BMPR1A: variants seen among roughly 807,000 people sequenced by gnomAD.
BMPR1A encodes bone morphogenetic protein receptor type-1A.
In BMPR1A, 7 loss-of-function variants were observed where a neutral mutation model predicts 66.0. The observed-to-expected ratio is 0.11, with a 90% CI of 0.06 to 0.20. The LOEUF is 0.20. Among genes scored for constraint, BMPR1A ranks in the 10% least tolerant of loss-of-function variants. The pLI is 1.00. For missense variants in BMPR1A, 408 were observed against 669.1 expected, an observed-to-expected ratio of 0.61 and a Z score of 4.31; for synonymous variants, 200 against 229.7, an observed-to-expected ratio of 0.87 and a Z score of 1.17.
intron 1 of BMPR1A, among the ~76,000 whole-genome samples, chr10:86,805,989 T>G (rs906511916): frequency 6.6e-6 from 1 of 151,832 alleles, no homozygotes; most frequent in Non-Finnish European, 1.5e-5. Flanking sequence ...CTCTTTAATC[T>G]CCTTCTCTCT....
chr10:86,902,410 A>T (rs1028493857), intron 7 of BMPR1A, among the ~76,000 whole-genome samples: 1 of 151,180 alleles, frequency 6.6e-6, no homozygotes, highest in African/African-American at 2.4e-5. Flanking sequence ...AGCTACCTAC[A>T]CTTTTCACTG....
intron 1 of BMPR1A, among the ~76,000 whole-genome samples, chr10:86,830,925 G>A (rs550332772): frequency 2.0e-5 from 3 of 151,864 alleles, no homozygotes; most frequent in Admixed American, 6.6e-5. Flanking sequence ...AGACGGCCAC[G>A]AATCTACTCT....
At chr10:86,820,128 C>T (rs1842099721) in intron 1 of BMPR1A, among the ~76,000 whole-genome samples, 1 of 152,116 alleles carries the variant, frequency 6.6e-6, no homozygotes, top group Non-Finnish European at 1.5e-5. Context: ...CTGCAGCCTC[C>T]ACCTCCCAGG....
At chr10:86,868,937 G>T (rs1226961343) in intron 2 of BMPR1A, among the ~76,000 whole-genome samples, 1 of 152,068 alleles carries the variant, frequency 6.6e-6, no homozygotes, top group African/African-American at 2.4e-5. Flanking sequence ...TGTGTATATA[G>T]CAAGGGGAAG....
intron 1 of BMPR1A, among the ~76,000 whole-genome samples, chr10:86,766,642 G>A (rs1385388512): frequency 8.4e-6 from 1 of 118,532 alleles, no homozygotes; most frequent in Non-Finnish European, 1.6e-5. Flanking sequence ...TTGAGACGGA[G>A]TCTCGCTCTT....
At chr10:86,912,143 C>A in intron 7 of BMPR1A, 97 bp from the exon 8 acceptor site, 2 of 1,328,738 alleles carry the variant, frequency 1.5e-6, no homozygotes, top group Non-Finnish European at 2.1e-6. Flanking sequence ...AGGATTCTTT[C>A]TGAGGGAAGG....
chr10:86,807,643 A>G (rs1841909064), intron 1 of BMPR1A, among the ~76,000 whole-genome samples: 1 of 152,146 alleles, frequency 6.6e-6, no homozygotes, highest in Non-Finnish European at 1.5e-5. Context: ...TCAGTCTCCC[A>G]AAGAGCTGGG....
At chr10:86,861,472 G>C (rs186770344) in intron 2 of BMPR1A, among the ~76,000 whole-genome samples, 1 of 152,266 alleles carries the variant, frequency 6.6e-6, no homozygotes. Context: ...TACTACCTTT[G>C]AACCTTCAGT....
chr10:86,909,892 T>C (rs1473792609), intron 7 of BMPR1A, among the ~76,000 whole-genome samples: 1 of 152,126 alleles, frequency 6.6e-6, no homozygotes, highest in Non-Finnish European at 1.5e-5. Context: ...TTCTCATATG[T>C]TGGTGGAGGG....
chr10:86,880,099 G>A (rs1208805086), intron 3 of BMPR1A, among the ~76,000 whole-genome samples: 2 of 152,206 alleles, frequency 1.3e-5, no homozygotes, highest in Admixed American at 6.5e-5. Context: ...ACTGGAAATT[G>A]TCCTATGGAT....
chr10:86,777,117 A>G lies in BMPR1A; in HGVS notation c.-268+20198A>G, dbSNP rs550979838. On this transcript the variant is annotated intron_variant, in intron 1 of 12. Coordinates refer to ENST00000372037, the MANE Select transcript of BMPR1A (RefSeq NM_004329.3). The stretch of plus-strand genomic sequence containing the variant: ...CTTACCCTTCTCTTTATTCAGTTTA[A>G]TTTCTGTTGTTGGTCATGATTGTTC... Among the ~76,000 whole-genome samples, 7 of 151,912 alleles carry G rather than the reference A, an allele frequency of 4.6e-5. No individual in the cohort carries two copies. In the South Asian group the frequency reaches 1.0e-3, roughly 23 times the overall value.
At chr10:86,896,369 GT>G (rs1843224993) in intron 5 of BMPR1A, among the ~76,000 whole-genome samples, 1 of 151,938 alleles carries the variant, frequency 6.6e-6, no homozygotes, top group Admixed American at 6.6e-5. Context: ...CATATATATT[GT>G]TTTGATCAAT....
intron 1 of BMPR1A, among the ~76,000 whole-genome samples, chr10:86,763,013 A>G (rs1343452589): frequency 1.3e-5 from 2 of 152,068 alleles, no homozygotes; most frequent in Non-Finnish European, 2.9e-5. Context: ...CTCATGCCTC[A>G]GCCTCCCAAG....
intron 1 of BMPR1A, among the ~76,000 whole-genome samples, chr10:86,809,612 T>TC (rs139999063): frequency 3.0e-5 from 4 of 134,978 alleles, no homozygotes; most frequent in African/African-American, 8.7e-5. Context: ...TTTTTTTTTT[T>TC]CTCTTTTTTC....
At chr10:86,871,025 A>C (rs1842847929) in intron 2 of BMPR1A, among the ~76,000 whole-genome samples, 1 of 151,664 alleles carries the variant, frequency 6.6e-6, no homozygotes, top group South Asian at 2.1e-4. Flanking sequence ...CCACTACACT[A>C]TCTCTTATTC....
chr10:86,929,324 G>A (rs769523992), downstream of BMPR1A: 2 of 152,120 alleles, frequency 1.3e-5, no homozygotes, highest in Non-Finnish European at 2.9e-5. Flanking sequence ...GCGATGGGAT[G>A]CATTTACCTG....
At chr10:86,823,088 A>G (rs1013114030) in intron 1 of BMPR1A, among the ~76,000 whole-genome samples, 2 of 152,226 alleles carry the variant, frequency 1.3e-5, no homozygotes, top group Non-Finnish European at 2.9e-5. Flanking sequence ...TATTATTGCC[A>G]TAATTTTGTT....
At chr10:86,777,328 C>T (rs886924683) in intron 1 of BMPR1A, among the ~76,000 whole-genome samples, 2 of 152,178 alleles carry the variant, frequency 1.3e-5, no homozygotes, top group Admixed American at 6.5e-5. Context: ...CCTGTAATCC[C>T]AGCACTTTGG....
chr10:86,859,208 A>G (rs999027560), intron 2 of BMPR1A, among the ~76,000 whole-genome samples: 9 of 152,242 alleles, frequency 5.9e-5, no homozygotes, highest in African/African-American at 1.9e-4. Context: ...CTGGATATAC[A>G]TATGCAGAGT....
Sources: gnomAD v4.1 joint callset for allele counts (sites outside exome capture counted in the v4.1 genomes callset) on GRCh38, gnomAD v4.1.1 for gene constraint, MANE v1.5 for transcripts, NCBI Gene and HGNC (gene_info 2026-07-23, HGNC 2026-07-21) for gene names.